Variants in LRRIQ1 observed in about 807,000 individuals in gnomAD.
The protein encoded by LRRIQ1 is leucine-rich repeat- and IQ domain-containing protein 1.
Under a neutral mutation model 211.9 loss-of-function variants are expected in LRRIQ1, and 210 were observed. The observed-to-expected ratio is 0.99, with a 90% confidence interval of 0.89 to 1.11. The LOEUF (loss-of-function observed/expected upper bound fraction) is 1.11, where lower values mean the gene tolerates loss of function less well. Ranked by LOEUF, LRRIQ1 falls within the 50% of genes most tolerant of loss-of-function variation. The pLI is 0.00. For synonymous variants in LRRIQ1, 699 were observed against 650.1 expected, an observed-to-expected ratio of 1.08 and a Z score of -1.14; for missense variants, 2,136 against 1,939.5, an observed-to-expected ratio of 1.10 and a Z score of -1.90.
Position 85,121,867 on chromosome 12 carries a change from C to T in LRRIQ1, c.3548C>T (p.Thr1183Ile), listed in dbSNP as rs1888014336. 1.2e-6 allele frequency: 2 copies of T among 1,601,700 alleles called. No individual in the cohort carries two copies. Among genetic ancestry groups the T allele is most frequent in the Non-Finnish European group, 1.7e-6 (2 of 1,174,500 alleles). ...EFNLLIENYI[T>I]GKGDVFTLDT... Reference sequence around the variant, plus strand: ...AACTTGCTAATTGAAAATTATATAACTGGAAAAGGGTAAGATTGTGATCTT... The same window carrying T: ...AACTTGCTAATTGAAAATTATATAATTGGAAAAGGGTAAGATTGTGATCTT... Residue 1183 changes from threonine (T) to isoleucine (I), a missense_variant, in exon 16 of 27, where the codon ACT becomes ATT. Thr to Ile is a moderately conservative substitution (Grantham distance 89). Coordinates refer to ENST00000393217, the MANE Select transcript of LRRIQ1 (RefSeq NM_001079910.2).
chr12:85,212,746 T>C (rs757219000), intron 24 of LRRIQ1, among the ~76,000 whole-genome samples: 86 of 149,390 alleles, frequency 5.8e-4, no homozygotes, highest in Non-Finnish European at 1.1e-3. Context: ...ATATATGGAA[T>C]ATATTTATAA....
rs1896349820 is a variant in LRRIQ1, at chr12:85,263,336, T to G, written c.*276T>G. 4 of 152,290 alleles carry G rather than the reference T, an allele frequency of 2.6e-5. No individual in the cohort carries two copies. In the South Asian group the frequency reaches 8.3e-4, roughly 32 times the overall value. The allele number at this position is 152,290 out of a possible 1,614,324, so 9.4% of individuals were successfully genotyped here. On this transcript the variant is annotated 3_prime_UTR_variant, in exon 2 of 2. Transcript: ENST00000602731. ...TATCCAGTTTTTTTAGTTTTAATTT[T>G]TATGACACATGTATTCCAGATAGCT...
intron 3 of LRRIQ1, among the ~76,000 whole-genome samples, chr12:85,044,060 G>A (rs1004272633): frequency 6.6e-6 from 1 of 152,052 alleles, no homozygotes; most frequent in Non-Finnish European, 1.5e-5. Context: ...ATGCCAGAAA[G>A]GTAGTGAATA....
At position 85,254,694 on chromosome 12, in the gene LRRIQ1, G is replaced by A. The variant is rs192865129; in HGVS notation, c.122-8221G>A. Among the ~76,000 whole-genome samples the A allele has an allele frequency of 2.2e-3, 329 of 152,068 alleles. 4 individuals are homozygous for A. Among genetic ancestry groups the A allele is most frequent in the African/African-American group, 7.5e-3 (312 of 41,530 alleles). ...ATATATTTCTGATGTATTTTCCTCA[G>A]ACACCATCTTAGAGAAAATGTCATT... On this transcript the variant is annotated intron_variant, in intron 1 of 1. Coordinates refer to the LRRIQ1 transcript ENST00000602731.
intron 8 of LRRIQ1, 71 bp from the exon 9 acceptor site, chr12:85,065,191 T>C (rs1265960121): frequency 1.6e-6 from 2 of 1,254,492 alleles, no homozygotes; most frequent in East Asian, 2.6e-5. Context: ...AACAGTTTTG[T>C]AAGGCTAATA....
intron 24 of LRRIQ1, among the ~76,000 whole-genome samples, chr12:85,194,756 G>A (rs1357422206): frequency 5.3e-5 from 8 of 151,848 alleles, no homozygotes; most frequent in Admixed American, 1.3e-4. Flanking sequence ...CATCACAATT[G>A]AAAGAACTAG....
chr12:85,066,646 T>A, intron 9 of LRRIQ1, 102 bp from the exon 10 acceptor site: 1 of 801,744 alleles, frequency 1.2e-6, no homozygotes, highest in Non-Finnish European at 1.8e-6. Context: ...AGATATTAAT[T>A]TGGAGATCCT....
chr12:85,110,550 A>G (rs1048098272), intron 15 of LRRIQ1, among the ~76,000 whole-genome samples: 5 of 152,152 alleles, frequency 3.3e-5, no homozygotes, highest in African/African-American at 1.2e-4. Flanking sequence ...TGTAACTCTT[A>G]GAGTTTTTGT....
At chr12:85,174,723 A>AAAAAAAAAAC (rs1891602304) in intron 24 of LRRIQ1, among the ~76,000 whole-genome samples, 1 of 148,374 alleles carries the variant, frequency 6.7e-6, no homozygotes, top group Non-Finnish European at 1.5e-5. Flanking sequence ...AAAAAAAAAA[A>AAAAAAAAAAC]TCTGAGATCC....
intron 26 of LRRIQ1, among the ~76,000 whole-genome samples, chr12:85,242,018 C>T (rs1046352540): frequency 6.6e-6 from 1 of 151,832 alleles, no homozygotes; most frequent in South Asian, 2.1e-4. Context: ...GTGGGGAGAG[C>T]GGCAATTACA....
chr12:85,161,758 A>G (rs1475421159), intron 24 of LRRIQ1, among the ~76,000 whole-genome samples: 1 of 152,126 alleles, frequency 6.6e-6, no homozygotes, highest in Non-Finnish European at 1.5e-5. Flanking sequence ...AGATAGCAAT[A>G]GTCTGGGCGT....
intron 24 of LRRIQ1, among the ~76,000 whole-genome samples, chr12:85,214,394 A>G (rs760446225): frequency 2.6e-5 from 4 of 152,132 alleles, no homozygotes; most frequent in Admixed American, 1.3e-4. Context: ...CAAATAGCCA[A>G]TTACACTCAA....
chr12:85,140,501 A>T (rs961974197), intron 19 of LRRIQ1, among the ~76,000 whole-genome samples: 14 of 151,394 alleles, frequency 9.2e-5, no homozygotes, highest in African/African-American at 3.4e-4. Flanking sequence ...TCTGTCAAAT[A>T]TTTTGAATAT....
At chr12:85,131,734 CA>C (rs1888779213) in intron 18 of LRRIQ1, among the ~76,000 whole-genome samples, 1 of 151,804 alleles carries the variant, frequency 6.6e-6, no homozygotes, top group South Asian at 2.1e-4. Flanking sequence ...TAGTATGCTA[CA>C]GGGGGTAAGA....
chr12:85,247,818 A>G (rs1039371813), downstream of LRRIQ1, among the ~76,000 whole-genome samples: 6 of 146,644 alleles, frequency 4.1e-5, no homozygotes, highest in African/African-American at 7.5e-5. Context: ...GGAGGAGTAT[A>G]CTTTGAACAT....
At chr12:85,139,519 T>G (rs1889367911) in intron 19 of LRRIQ1, among the ~76,000 whole-genome samples, 1 of 151,460 alleles carries the variant, frequency 6.6e-6, no homozygotes, top group South Asian at 2.1e-4. Flanking sequence ...CAGTGAGAAT[T>G]TTGATATTCA....
At position 85,057,205 on chromosome 12, in the gene LRRIQ1, A is replaced by T. The variant is rs780484176; in HGVS notation, c.2391+21A>T. 76 of 1,351,860 alleles carry T rather than the reference A, an allele frequency of 5.6e-5. 1 individual carries two copies. Among genetic ancestry groups the T allele is most frequent in the Middle Eastern group, 1.9e-4 (1 of 5,170 alleles). 83.7% of individuals were successfully genotyped at this position (1,351,860 alleles called of 1,614,324 possible). On this transcript the variant is annotated intron_variant, in intron 8 of 26. Transcript: ENST00000393217. ...AGCAGGTATTTCTAATTTTATAATAATTTTTCACATTTAATTACAATTAGC... is the reference window on the plus strand; with the variant it reads ...AGCAGGTATTTCTAATTTTATAATATTTTTTCACATTTAATTACAATTAGC...
intron 11 of LRRIQ1, among the ~76,000 whole-genome samples, chr12:85,095,717 C>T (rs1286987322): frequency 2.0e-5 from 3 of 152,092 alleles, no homozygotes; most frequent in African/African-American, 7.2e-5. Flanking sequence ...AGATCTGGTG[C>T]CAGCTCTTCC....
chr12:85,220,484 T>C (rs1894346460), intron 24 of LRRIQ1, among the ~76,000 whole-genome samples: 1 of 151,954 alleles, frequency 6.6e-6, no homozygotes, highest in Non-Finnish European at 1.5e-5. Context: ...TTTCCATTAA[T>C]TTAAAAAGTA....
Sources: gnomAD v4.1 joint callset for allele counts (sites outside exome capture counted in the v4.1 genomes callset) on GRCh38, gnomAD v4.1.1 for gene constraint, MANE v1.5 for transcripts, NCBI Gene and HGNC (gene_info 2026-07-23, HGNC 2026-07-21) for gene names.